The following ABHD4 variants were observed in gnomAD, a reference collection of about 807,000 sequenced individuals.
The protein encoded by ABHD4 is (Lyso)-N-acylphosphatidylethanolamine lipase.
Under a neutral mutation model 42.3 loss-of-function variants are expected in ABHD4, and 35 were observed. That is an observed-to-expected ratio of 0.83 (90% CI 0.63 to 1.10). ABHD4 has a LOEUF of 1.10. Ranked by LOEUF, ABHD4 falls within the 50% of genes least tolerant of loss-of-function variation. The pLI is 0.00. For synonymous variants in ABHD4, 169 were observed against 170.6 expected (o/e 0.99, Z 0.07); for missense variants, 389 against 454.8 (o/e 0.86, Z 1.32).
At chr14:22,600,926 C>T (rs547817605) in intron 1 of ABHD4, among the ~76,000 whole-genome samples, 10 of 151,100 alleles carry the variant, frequency 6.6e-5, no homozygotes, top group Middle Eastern at 3.2e-3. Flanking sequence ...GACTTAAGGT[C>T]CCTGGGTATG....
chr14:22,603,824 G>A, intron 3 of ABHD4, 62 bp downstream of exon 3: 1 of 1,575,568 alleles, frequency 6.3e-7, no homozygotes. Flanking sequence ...GAACTTTCCA[G>A]TATTCATTTC....
intron 6 of ABHD4, 88 bp downstream of exon 6, chr14:22,609,998 A>G (rs72677598): frequency 0.063 from 80,491 of 1,281,840 alleles, 4,551 homozygotes; most frequent in African/African-American, 0.28. Flanking sequence ...TCAAGGAGAA[A>G]GAGGAATGGA....
chr14:22,598,528 T>A (rs1483324020), intron 1 of ABHD4, 199 bp downstream of exon 1: 2 of 1,482,910 alleles, frequency 1.3e-6, no homozygotes, highest in South Asian at 1.2e-5. Context: ...TGGGGAGCCA[T>A]GGGAGACGCG....
Position 22,601,687 on chromosome 14 carries a change from G to A in ABHD4, c.44G>A (p.Ser15Asn). 6.2e-7 allele frequency: 1 copy of A among 1,614,176 alleles called. No individual in the cohort carries two copies. Among genetic ancestry groups the A allele is most frequent in the Non-Finnish European group, 8.5e-7 (1 of 1,180,010 alleles). ...LEQQSQGWLS[S>N]WLPTWRPTSM... ...CCCAGGTCTCAAGGCTGGCTGAGTA[G>A]CTGGCTGCCCACGTGGCGCCCCACT... The change falls in exon 2 of 7, where the codon AGC becomes AAC. Residue 15 changes from serine (S) to asparagine (N), a missense_variant. Ser to Asn is a conservative substitution (Grantham distance 46). This residue lies in a region of ABHD4 where 102 missense variants were observed against 128.3 expected (regional missense o/e 0.80). Coordinates refer to ENST00000428304, the MANE Select transcript of ABHD4 (RefSeq NM_022060.3).
In ABHD4 at chr14:22,611,226, A is replaced by G. The variant is rs193112927; in HGVS notation, c.*278A>G. The G allele has an allele frequency of 9.0e-4, 370 of 409,536 alleles. 4 individuals are homozygous for G. Among genetic ancestry groups the G allele is most frequent in the African/African-American group, 6.7e-3 (336 of 50,108 alleles). 25.4% of individuals were successfully genotyped at this position (409,536 alleles called of 1,614,324 possible). A position where few individuals can be genotyped will look rare whatever the true frequency, so the allele number is the denominator to read the frequency against. The stretch of plus-strand genomic sequence containing the variant: ...CCACTCCTTGCCAAGTGTTACCCAG[A>G]TGGTGGAGGATGTGAAGGGATTGCA... On this transcript the variant is annotated 3_prime_UTR_variant, in exon 7 of 7. Coordinates refer to ENST00000428304, the MANE Select transcript of ABHD4 (RefSeq NM_022060.3).
intron 1 of ABHD4, chr14:22,598,901 A>G (rs1410834283): frequency 6.1e-6 from 1 of 164,122 alleles, no homozygotes. Flanking sequence ...TAATAATCGT[A>G]ACAACATCTT....
intron 2 of ABHD4, among the ~76,000 whole-genome samples, chr14:22,602,674 C>T (rs2037299410): frequency 6.6e-6 from 1 of 152,204 alleles, no homozygotes; most frequent in African/African-American, 2.4e-5. Flanking sequence ...TCACTACCAC[C>T]TGGGGCTAAA....
Position 22,606,415 on chromosome 14 carries a change from C to T in ABHD4, c.641-7C>T. The T allele has an allele frequency of 6.2e-7, 1 of 1,606,966 alleles. No individual in the cohort carries two copies. Among genetic ancestry groups the T allele is most frequent in the Non-Finnish European group, 8.5e-7 (1 of 1,176,356 alleles). On this transcript the variant is annotated splice_polypyrimidine_tract_variant and splice_region_variant and intron_variant, in intron 4 of 6. Transcript: ENST00000428304. Reference sequence around the variant, plus strand: ...TGGCCTGTCTGTGTTTTTCTATCCCCTCCCAGGGCCTGGTCTGGTGCAGCG... The same window carrying T: ...TGGCCTGTCTGTGTTTTTCTATCCCTTCCCAGGGCCTGGTCTGGTGCAGCG...
chr14:22,599,914 A>T (rs752732711), intron 1 of ABHD4, among the ~76,000 whole-genome samples: 7 of 152,266 alleles, frequency 4.6e-5, no homozygotes, highest in Non-Finnish European at 8.8e-5. Flanking sequence ...CCATTGATGT[A>T]TCACTCCCAG....
chr14:22,609,249 C>T (rs966231056), intron 5 of ABHD4, among the ~76,000 whole-genome samples: 3 of 152,042 alleles, frequency 2.0e-5, no homozygotes, highest in Admixed American at 6.6e-5. Context: ...CCGCCCGCCT[C>T]GGCCTCCCAA....
Position 22,603,572 on chromosome 14 carries a change from A to G in ABHD4, c.295A>G (p.Thr99Ala). The change falls in exon 3 of 7, where the codon ACC becomes GCC. Residue 99 changes from threonine to alanine, a missense_variant. Around this residue, in one of 3 missense-constraint regions of ABHD4, gnomAD observed 102 missense variants for 128.3 expected, o/e 0.80. Transcript: ENST00000428304. The part of the protein sequence containing the change: ...DSLSARRTLH[T>A]FDLLGFGRSS... ...ACTGAGTGCCCGCCGCACACTGCAC[A>G]CCTTCGATCTGCTTGGCTTCGGGCG... 1 of 1,614,174 alleles carries G rather than the reference A, an allele frequency of 6.2e-7. No individual in the cohort carries two copies. The highest frequency in any genetic ancestry group is 8.5e-7 in the Non-Finnish European group (1 of 1,180,030).
intron 1 of ABHD4, among the ~76,000 whole-genome samples, chr14:22,599,699 A>C (rs1370625005): frequency 6.6e-6 from 1 of 152,228 alleles, no homozygotes; most frequent in African/African-American, 2.4e-5. Context: ...GTACAGTAAC[A>C]GGACAATGTG....
intron 4 of ABHD4, among the ~76,000 whole-genome samples, chr14:22,606,185 T>A (rs1215556497): frequency 6.6e-6 from 1 of 152,154 alleles, no homozygotes; most frequent in Non-Finnish European, 1.5e-5. Context: ...GGCTCCTCAG[T>A]GTTGTTAGAT....
Position 22,600,829 on chromosome 14 carries a change from GGGGTGTGTGTGT to G in ABHD4, c.24-836_24-825del, listed in dbSNP as rs1233915476. Among the ~76,000 whole-genome samples, 695 of 125,212 alleles carry G rather than the reference GGGGTGTGTGTGT, an allele frequency of 5.6e-3. 3 individuals are homozygous for G. The highest frequency in any genetic ancestry group is 0.017 in the African/African-American group (553 of 32,530). The allele number at this position is 125,212 out of a possible 152,430, so 82.1% of individuals were successfully genotyped here. A position where few individuals can be genotyped will look rare whatever the true frequency, so the allele number is the denominator to read the frequency against. On this transcript the variant is annotated intron_variant, in intron 1 of 6. Transcript: ENST00000428304. The stretch of plus-strand genomic sequence containing the variant: ...AACACTATGATTCACGTCCAGCAGG[GGGGTGTGTGTGT>G]GTGTGTGTGTGTGTGTGTGTGTGTG...
In ABHD4 at chr14:22,603,776, G is replaced by A. The variant is rs1194750335; in HGVS notation, c.485+14G>A. On this transcript the variant is annotated intron_variant, in intron 3 of 6. Transcript: ENST00000428304. ...GTACCCTGATAGGTAATAAGGAGAT[G>A]GCTCCATCCCTCGTGACCTAATTCC... The A allele has an allele frequency of 1.7e-5, 26 of 1,564,916 alleles. No individual in the cohort carries two copies. Among genetic ancestry groups the A allele is most frequent in the Non-Finnish European group, 2.0e-5 (23 of 1,153,172 alleles).
At position 22,612,549 on chromosome 14, in the gene ABHD4, CACTCATGACAAATG is replaced by C. The variant is rs1223961441; in HGVS notation, c.*1603_*1616del. 6.6e-6 allele frequency: 1 copy of C among 152,278 alleles called. No individual in the cohort carries two copies. Among genetic ancestry groups the C allele is most frequent in the Non-Finnish European group, 1.5e-5 (1 of 68,092 alleles). The allele number at this position is 152,278 out of a possible 1,614,324, so 9.4% of individuals were successfully genotyped here. On this transcript the variant is annotated 3_prime_UTR_variant, in exon 7 of 7. Coordinates refer to ENST00000428304, the MANE Select transcript of ABHD4 (RefSeq NM_022060.3). ...GTCAGCACAGGCCCTCTCAGCCAAC[CACTCATGACAAATG>C]AGGAGTCGAGATCCACAGTGTGGAT...
chr14:22,602,724 G>A (rs184983960), intron 2 of ABHD4, among the ~76,000 whole-genome samples: 7 of 152,288 alleles, frequency 4.6e-5, no homozygotes, highest in South Asian at 2.1e-4. Flanking sequence ...AGACGGTCCC[G>A]CTTATTATGT....
intron 5 of ABHD4, among the ~76,000 whole-genome samples, chr14:22,606,774 C>T (rs1184786107): frequency 6.6e-6 from 1 of 152,086 alleles, no homozygotes; most frequent in Non-Finnish European, 1.5e-5. Flanking sequence ...CTCCCTGTTC[C>T]CTACAGGTAT....
intron 3 of ABHD4, 40 bp from the exon 4 acceptor site, chr14:22,603,885 G>A: frequency 6.2e-7 from 1 of 1,609,032 alleles, no homozygotes; most frequent in Non-Finnish European, 8.5e-7. Context: ...AACTACCAGA[G>A]AATATAATGT....
Sources: gnomAD v4.1 joint callset for allele counts (sites outside exome capture counted in the v4.1 genomes callset) on GRCh38, gnomAD v4.1.1 for gene constraint, gnomAD v4.1.1 regional missense constraint, MANE v1.5 for transcripts, NCBI Gene and HGNC (gene_info 2026-07-23, HGNC 2026-07-21) for gene names.